CNTNAP2: variants seen among roughly 807,000 people sequenced by gnomAD.
CNTNAP2 encodes contactin associated protein 2.
In CNTNAP2, 98 loss-of-function variants were observed where a neutral mutation model predicts 155.2. The observed-to-expected ratio is 0.63, with a 90% CI of 0.54 to 0.75. The LOEUF is 0.75. CNTNAP2 is among the 30% of genes least tolerant of loss of function. The probability of loss-of-function intolerance (pLI) is 0.00; values close to 1 mark genes in which losing one functional copy is unlikely to be tolerated. For missense variants in CNTNAP2, 1,727 were observed against 1,688.1 expected, an observed-to-expected ratio of 1.02 and a Z score of -0.40; for synonymous variants, 651 against 631.2, an observed-to-expected ratio of 1.03 and a Z score of -0.47.
chr7:146,437,991 G>A (rs1796267430), intron 1 of CNTNAP2, among the ~76,000 whole-genome samples: 1 of 151,292 alleles, frequency 6.6e-6, no homozygotes, highest in African/African-American at 2.5e-5. Context: ...GCCAGGGGTT[G>A]TTATGGAACA....
chr7:148,120,187 G>A (rs956385912), intron 16 of CNTNAP2, among the ~76,000 whole-genome samples: 6 of 147,162 alleles, frequency 4.1e-5, no homozygotes, highest in African/African-American at 1.5e-4. Context: ...GCCTGGGTAA[G>A]AAGGAACACA....
chr7:146,301,621 G>A (rs1384218014), intron 1 of CNTNAP2, among the ~76,000 whole-genome samples: 1 of 151,936 alleles, frequency 6.6e-6, no homozygotes, highest in Non-Finnish European at 1.5e-5. Flanking sequence ...GTGAGACTCT[G>A]TCTCAACAAT....
intron 4 of CNTNAP2, among the ~76,000 whole-genome samples, chr7:147,098,616 A>G (rs1800592429): frequency 6.6e-6 from 1 of 152,178 alleles, no homozygotes; most frequent in South Asian, 2.1e-4. Context: ...ACTTTTGCCA[A>G]CAATTCCTAG....
intron 1 of CNTNAP2, among the ~76,000 whole-genome samples, chr7:146,126,397 A>G (rs1279902387): frequency 6.6e-6 from 1 of 152,220 alleles, no homozygotes; most frequent in Non-Finnish European, 1.5e-5. Context: ...AAAGAGAGGA[A>G]TGCAGCTCTT....
intron 21 of CNTNAP2, among the ~76,000 whole-genome samples, chr7:148,282,063 TCCAC>T (rs1796983961): frequency 1.3e-5 from 2 of 152,028 alleles, no homozygotes; most frequent in Non-Finnish European, 2.9e-5. Flanking sequence ...GACCTCATGA[TCCAC>T]CCACCTCGGC....
At chr7:146,582,906 A>G (rs1798633126) in intron 1 of CNTNAP2, among the ~76,000 whole-genome samples, 1 of 148,612 alleles carries the variant, frequency 6.7e-6, no homozygotes, top group Non-Finnish European at 1.5e-5. Context: ...TATTTATGAT[A>G]TTAAGTATAA....
intron 13 of CNTNAP2, among the ~76,000 whole-genome samples, chr7:147,755,510 A>G (rs1268257963): frequency 6.6e-6 from 1 of 152,120 alleles, no homozygotes; most frequent in African/African-American, 2.4e-5. Context: ...AAAATTAGCC[A>G]GGCATGATGG....
chr7:147,525,211 A>G (rs777327687), intron 11 of CNTNAP2, among the ~76,000 whole-genome samples: 2 of 152,348 alleles, frequency 1.3e-5, no homozygotes, highest in African/African-American at 2.4e-5. Context: ...TGTCTTTGTT[A>G]TAATAATATT....
In CNTNAP2 at chr7:146,963,871, GA is replaced by G. The variant is rs370733652; in HGVS notation, c.403-80033del. 5.8e-3 allele frequency among the ~76,000 whole-genome samples: 878 copies of G among 152,190 alleles called. 7 individuals carry two copies. The highest frequency in any genetic ancestry group is 0.02 in the African/African-American group (834 of 41,548). On this transcript the variant is annotated intron_variant, in intron 3 of 23. Transcript: ENST00000361727. ...ACACTGTAGGATTCTGATTTGCAAA[GA>G]AACAGTCTGAAAGCTCATCTTCCCA... is the stretch of plus-strand genomic sequence containing the variant.
intron 1 of CNTNAP2, among the ~76,000 whole-genome samples, chr7:146,253,821 C>T (rs190818280): frequency 1.4e-3 from 209 of 152,070 alleles, no homozygotes; most frequent in Non-Finnish European, 2.1e-3. Context: ...CATTGGGAGG[C>T]CAAGGTAGCA....
At chr7:146,641,786 T>C (rs566602889) in intron 1 of CNTNAP2, among the ~76,000 whole-genome samples, 2 of 152,320 alleles carry the variant, frequency 1.3e-5, no homozygotes, top group East Asian at 3.9e-4. Context: ...GTTTTACAAC[T>C]ATCATAGAGA....
intron 4 of CNTNAP2, among the ~76,000 whole-genome samples, chr7:147,072,748 G>T (rs1173261117): frequency 1.3e-5 from 2 of 152,028 alleles, no homozygotes; most frequent in African/African-American, 2.4e-5. Context: ...TGATGGGAGA[G>T]ACTCAGATTT....
chr7:146,284,892 C>T lies in CNTNAP2; in HGVS notation c.97+167919C>T, dbSNP rs542833130. Among the ~76,000 whole-genome samples, 29 of 152,288 alleles carry T rather than the reference C, an allele frequency of 1.9e-4. No homozygotes were observed. In the East Asian group the frequency reaches 5.6e-3, roughly 29 times the overall value. On this transcript the variant is annotated intron_variant, in intron 1 of 23. Transcript: ENST00000361727. ...GATTTCCCTTCCATTTCTCTGCTCC[C>T]TGCCTCCCACAGGCTATGACTATGC...
Position 148,415,481 on chromosome 7 carries a change from C to A in CNTNAP2, c.3861C>A (p.Phe1287Leu). ...CTLVFLIRYM[F>L]RHKGTYHTNE... ...TGGTCTTCCTGATCCGGTACATGTT[C>A]CGCCACAAGGGCACCTACCATACCA... The change falls in exon 24 of 24, where the codon TTC (phenylalanine) becomes TTA (leucine). Residue 1287 changes from phenylalanine (F) to leucine (L), a missense_variant. Coordinates refer to ENST00000361727, the MANE Select transcript of CNTNAP2 (RefSeq NM_014141.6). The A allele has an allele frequency of 6.2e-7, 1 of 1,614,206 alleles. No homozygotes were observed. The highest frequency in any genetic ancestry group is 8.5e-7 in the Non-Finnish European group (1 of 1,180,028).
At chr7:148,250,160 G>A (rs1432427625) in intron 20 of CNTNAP2, among the ~76,000 whole-genome samples, 3 of 152,122 alleles carry the variant, frequency 2.0e-5, no homozygotes, top group African/African-American at 7.2e-5. Flanking sequence ...TCTTTCCCTG[G>A]GTTTCTGCAG....
At chr7:147,519,530 A>G (rs534388917) in intron 11 of CNTNAP2, among the ~76,000 whole-genome samples, 5 of 152,308 alleles carry the variant, frequency 3.3e-5, no homozygotes, top group African/African-American at 1.2e-4. Context: ...TATTCTGCCT[A>G]CCTCAAACCT....
At chr7:147,815,739 A>G (rs1246031027) in intron 13 of CNTNAP2, among the ~76,000 whole-genome samples, 1 of 152,192 alleles carries the variant, frequency 6.6e-6, no homozygotes, top group Non-Finnish European at 1.5e-5. Context: ...TATGCTGCTT[A>G]TCACAAATGT....
intron 1 of CNTNAP2, among the ~76,000 whole-genome samples, chr7:146,544,892 G>T (rs1405739344): frequency 6.6e-6 from 1 of 151,946 alleles, no homozygotes; most frequent in Non-Finnish European, 1.5e-5. Context: ...TAGCATAGGA[G>T]GGAGTAGTAT....
chr7:147,145,876 G>A (rs924145), intron 8 of CNTNAP2, among the ~76,000 whole-genome samples: 25 of 152,146 alleles, frequency 1.6e-4, no homozygotes, highest in South Asian at 1.0e-3. Context: ...GAGTTCTCCC[G>A]GTACACACTT....
Sources: gnomAD v4.1 joint callset for allele counts (sites outside exome capture counted in the v4.1 genomes callset) on GRCh38, gnomAD v4.1.1 for gene constraint, MANE v1.5 for transcripts, NCBI Gene and HGNC (gene_info 2026-07-23, HGNC 2026-07-21) for gene names.